The following LRRC69 variants were observed in gnomAD, a reference collection of about 807,000 sequenced individuals.
LRRC69 encodes leucine-rich repeat-containing protein 69.
A neutral mutation model predicts 37.8 loss-of-function variants in LRRC69; 42 were observed. The observed-to-expected ratio is 1.11, with a 90% CI of 0.87 to 1.44. LRRC69 has a LOEUF of 1.44. Among genes scored for constraint, LRRC69 ranks in the 40% most tolerant of loss-of-function variants. The pLI is 0.00. For synonymous variants in LRRC69, 141 were observed against 143.1 expected (o/e 0.99, Z 0.11); for missense variants, 357 against 401.9 (o/e 0.89, Z 0.96).
At chr8:91,200,691 C>G in exon 7 of LRRC69, 1 of 1,527,916 alleles carries the variant, frequency 6.5e-7, no homozygotes. Flanking sequence ...ACGGTACCCA[C>G]AAGTCAGGAG....
At chr8:91,160,013 A>C (rs779735265) in intron 5 of LRRC69, among the ~76,000 whole-genome samples, 2 of 151,246 alleles carry the variant, frequency 1.3e-5, no homozygotes, top group African/African-American at 2.4e-5. Flanking sequence ...CTTCCAATCC[A>C]TGAACATGAG....
intron 5 of LRRC69, among the ~76,000 whole-genome samples, chr8:91,181,547 G>A (rs1362703353): frequency 4.6e-5 from 7 of 152,156 alleles, no homozygotes; most frequent in Admixed American, 4.6e-4. Flanking sequence ...TAAGTGGTCA[G>A]ATAGATTTAC....
chr8:91,119,749 G>A (rs533873047), intron 1 of LRRC69, among the ~76,000 whole-genome samples: 4 of 151,898 alleles, frequency 2.6e-5, no homozygotes, highest in South Asian at 4.2e-4. Flanking sequence ...TCATATTTCC[G>A]TGAGAAAACA....
chr8:91,154,740 A>G (rs978267680), intron 5 of LRRC69, among the ~76,000 whole-genome samples: 2 of 151,790 alleles, frequency 1.3e-5, no homozygotes, highest in African/African-American at 2.4e-5. Flanking sequence ...AATAAGAACT[A>G]TTTATGACAA....
intron 6 of LRRC69, among the ~76,000 whole-genome samples, chr8:91,197,524 G>C (rs1185454487): frequency 6.6e-6 from 1 of 152,170 alleles, no homozygotes; most frequent in African/African-American, 2.4e-5. Context: ...CTCCGAGCCA[G>C]GTGCGGGATA....
At chr8:91,113,896 G>A (rs1214200931) in intron 1 of LRRC69, among the ~76,000 whole-genome samples, 1 of 140,968 alleles carries the variant, frequency 7.1e-6, no homozygotes, top group East Asian at 2.1e-4. Context: ...TTTAAAAATG[G>A]GTAAAGGGGC....
chr8:91,139,681 G>A (rs1808498923), intron 5 of LRRC69, among the ~76,000 whole-genome samples: 1 of 151,812 alleles, frequency 6.6e-6, no homozygotes, highest in Non-Finnish European at 1.5e-5. Context: ...TTCCGTTCCA[G>A]GACCTCTTCA....
At chr8:91,113,569 G>T (rs890851831) in intron 1 of LRRC69, among the ~76,000 whole-genome samples, 3 of 151,886 alleles carry the variant, frequency 2.0e-5, no homozygotes, top group Admixed American at 2.0e-4. Flanking sequence ...ACTTAAAATG[G>T]ATTAAAGACT....
intron 5 of LRRC69, among the ~76,000 whole-genome samples, chr8:91,165,378 T>C (rs571605069): frequency 8.2e-4 from 124 of 151,902 alleles, no homozygotes; most frequent in African/African-American, 2.9e-3. Flanking sequence ...GCCATGCAAC[T>C]GAATCACAAA....
intron 7 of LRRC69, among the ~76,000 whole-genome samples, chr8:91,202,223 AAAAC>A (rs1158174261): frequency 1.3e-5 from 2 of 151,306 alleles, no homozygotes; most frequent in East Asian, 1.9e-4. Context: ...AACAAAAACA[AAAAC>A]AAAAACACAA....
At chr8:91,116,045 A>G (rs1394196445) in intron 1 of LRRC69, among the ~76,000 whole-genome samples, 1 of 152,196 alleles carries the variant, frequency 6.6e-6, no homozygotes. Context: ...TTGTGAATTT[A>G]GAAATGTTTG....
chr8:91,214,009 GAT>G (rs1809989015), intron 7 of LRRC69, among the ~76,000 whole-genome samples: 2 of 152,002 alleles, frequency 1.3e-5, no homozygotes, highest in South Asian at 2.1e-4. Context: ...AAACCGGTGA[GAT>G]ATATATGTGT....
At chr8:91,176,115 C>CATATATAT (rs1220622429) in intron 5 of LRRC69, among the ~76,000 whole-genome samples, 5 of 102,332 alleles carry the variant, frequency 4.9e-5, no homozygotes, top group East Asian at 5.4e-4. Flanking sequence ...CACCATCCCT[C>CATATATAT]ATATATATAT....
At chr8:91,170,374 C>A (rs1321320568) in intron 5 of LRRC69, among the ~76,000 whole-genome samples, 9 of 150,148 alleles carry the variant, frequency 6.0e-5, no homozygotes, top group African/African-American at 2.0e-4. Context: ...GCTACCAATG[C>A]CTTTCTTCAC....
intron 3 of LRRC69, among the ~76,000 whole-genome samples, chr8:91,127,601 CAAAAAAAAAAAAAAAA>C (rs554876868): frequency 1.5e-5 from 1 of 66,570 alleles, no homozygotes; most frequent in Non-Finnish European, 2.7e-5. Context: ...TGTCATTAAC[CAAAAAAAAAAAAAAAA>C]AAAAAAAAAA....
chr8:91,125,614 C>T (rs1323955717), intron 2 of LRRC69, among the ~76,000 whole-genome samples: 1 of 151,764 alleles, frequency 6.6e-6, no homozygotes, highest in African/African-American at 2.4e-5. Flanking sequence ...TCATGCAAAT[C>T]AATAGATAAT....
intron 1 of LRRC69, among the ~76,000 whole-genome samples, chr8:91,118,975 A>G (rs987561004): frequency 6.6e-6 from 1 of 152,024 alleles, no homozygotes; most frequent in East Asian, 1.9e-4. Flanking sequence ...GTTACTTTCC[A>G]TTGCATTATC....
At chr8:91,174,933 T>G (rs1269279537) in intron 5 of LRRC69, among the ~76,000 whole-genome samples, 1 of 152,148 alleles carries the variant, frequency 6.6e-6, no homozygotes, top group African/African-American at 2.4e-5. Context: ...GACTAAGGAT[T>G]GGGAGTCTTA....
chr8:91,143,944 GTC>G (rs1808573514), intron 5 of LRRC69, among the ~76,000 whole-genome samples: 1 of 151,872 alleles, frequency 6.6e-6, no homozygotes, highest in Non-Finnish European at 1.5e-5. Flanking sequence ...ATTACTCTAT[GTC>G]TCACTTTTTT....
Sources: gnomAD v4.1 joint callset for allele counts (sites outside exome capture counted in the v4.1 genomes callset) on GRCh38, gnomAD v4.1.1 for gene constraint, MANE v1.5 for transcripts, NCBI Gene and HGNC (gene_info 2026-07-23, HGNC 2026-07-21) for gene names.